The following LHFPL3 variants were observed in gnomAD, a reference collection of about 807,000 sequenced individuals.
LHFPL3 encodes the protein LHFPL tetraspan subfamily member 3, also known as LHFPL tetraspan subfamily member 3 protein.
Under a neutral mutation model 19.3 loss-of-function variants are expected in LHFPL3, and 5 were observed. The ratio of observed to expected loss-of-function variants is 0.26; its 90% CI spans 0.14 to 0.54. The LOEUF is 0.54. LHFPL3 is among the 20% of genes least tolerant of loss of function. The probability of loss-of-function intolerance (pLI) is 0.94; values close to 1 mark genes in which losing one functional copy is unlikely to be tolerated. For synonymous variants in LHFPL3, 133 were observed against 126.2 expected (o/e 1.05, Z -0.36); for missense variants, 249 against 307.4 (o/e 0.81, Z 1.42).
intron 1 of LHFPL3, among the ~76,000 whole-genome samples, chr7:104,708,203 C>T (rs1160940933): frequency 6.6e-6 from 1 of 152,186 alleles, no homozygotes; most frequent in Non-Finnish European, 1.5e-5. Flanking sequence ...TTCTAGGCAG[C>T]ATTCTAAGAT....
At chr7:104,710,520 A>T (rs1346589069) in intron 1 of LHFPL3, among the ~76,000 whole-genome samples, 1 of 152,172 alleles carries the variant, frequency 6.6e-6, no homozygotes, top group Admixed American at 6.5e-5. Context: ...AACTGTAAAA[A>T]ATTAAACTCT....
At chr7:104,357,028 A>G (rs1790292774) in intron 1 of LHFPL3, among the ~76,000 whole-genome samples, 1 of 54,102 alleles carries the variant, frequency 1.8e-5, no homozygotes, top group Admixed American at 1.4e-4. Context: ...GGGGTCCCCA[A>G]ATTACTCAAA....
At position 104,757,307 on chromosome 7, in the gene LHFPL3, A is replaced by G. The variant is rs1584518239; in HGVS notation, c.682+20396A>G. Among the ~76,000 whole-genome samples, 3 of 152,340 alleles carry G rather than the reference A, an allele frequency of 2.0e-5. No individual in the cohort carries two copies. The East Asian group carries it at 5.8e-4, about 29-fold the overall frequency. On this transcript the variant is annotated intron_variant, in intron 2 of 2. Coordinates refer to ENST00000424859, the MANE Select transcript of LHFPL3 (RefSeq NM_199000.3). ...GGACATCAGCCTTGGGACATAATTT[A>G]TAACTAAGTCCTCAAAAGCAATTGC... is the stretch of plus-strand genomic sequence containing the variant.
intron 1 of LHFPL3, among the ~76,000 whole-genome samples, chr7:104,564,329 C>T (rs1267373816): frequency 3.3e-5 from 5 of 152,296 alleles, no homozygotes; most frequent in African/African-American, 9.6e-5. Context: ...TAGTAATACA[C>T]TTTTAGAAAA....
chr7:104,667,631 T>C (rs1400554612), intron 1 of LHFPL3: 11 of 740,576 alleles, frequency 1.5e-5, no homozygotes, highest in Non-Finnish European at 4.4e-6. Context: ...GTGTACAACA[T>C]TGAACTTGAA....
At chr7:104,411,518 G>T (rs1052349255) in intron 1 of LHFPL3, among the ~76,000 whole-genome samples, 1 of 151,910 alleles carries the variant, frequency 6.6e-6, no homozygotes, top group African/African-American at 2.4e-5. Context: ...TTCCTTTAAG[G>T]GCCCTACCCT....
chr7:104,764,993 T>C (rs1384763122), intron 2 of LHFPL3, among the ~76,000 whole-genome samples: 2 of 152,082 alleles, frequency 1.3e-5, no homozygotes, highest in Non-Finnish European at 2.9e-5. Flanking sequence ...TATGTTGGAG[T>C]GAGGGTTGGG....
chr7:104,454,641 A>G (rs1792505612), intron 1 of LHFPL3, among the ~76,000 whole-genome samples: 1 of 152,198 alleles, frequency 6.6e-6, no homozygotes, highest in Non-Finnish European at 1.5e-5. Context: ...AAATGGGGAT[A>G]GTAACTGTTC....
At chr7:104,580,871 A>AT (rs1224706278) in intron 1 of LHFPL3, among the ~76,000 whole-genome samples, 1 of 151,948 alleles carries the variant, frequency 6.6e-6, no homozygotes, top group Admixed American at 6.6e-5. Flanking sequence ...TATCACAATT[A>AT]TTTTTTATCT....
intron 1 of LHFPL3, among the ~76,000 whole-genome samples, chr7:104,477,807 G>T (rs1793053434): frequency 6.6e-6 from 1 of 151,938 alleles, no homozygotes; most frequent in Non-Finnish European, 1.5e-5. Context: ...ATTAACCAAA[G>T]AACCTAATAC....
At chr7:104,729,577 A>G (rs1266666711) in intron 1 of LHFPL3, among the ~76,000 whole-genome samples, 1 of 152,066 alleles carries the variant, frequency 6.6e-6, no homozygotes, top group African/African-American at 2.4e-5. Context: ...CACTTCTATG[A>G]GATCAACTCC....
chr7:104,358,763 T>A (rs549020442), intron 1 of LHFPL3, among the ~76,000 whole-genome samples: 1 of 152,220 alleles, frequency 6.6e-6, no homozygotes, highest in Non-Finnish European at 1.5e-5. Flanking sequence ...GTTATTGTAC[T>A]GGGGTTCCTG....
chr7:104,582,576 G>A (rs184428923), intron 1 of LHFPL3, among the ~76,000 whole-genome samples: 94 of 151,942 alleles, frequency 6.2e-4, no homozygotes, highest in African/African-American at 2.2e-3. Context: ...TTTCACCATT[G>A]GATATAATGT....
intron 2 of LHFPL3, among the ~76,000 whole-genome samples, chr7:104,767,560 T>C (rs1794476780): frequency 6.6e-6 from 1 of 152,232 alleles, no homozygotes; most frequent in African/African-American, 2.4e-5. Flanking sequence ...TTTCTTCTTT[T>C]ATAAAAGTAT....
chr7:104,594,069 C>G (rs954232261), intron 1 of LHFPL3, among the ~76,000 whole-genome samples: 1 of 152,100 alleles, frequency 6.6e-6, no homozygotes, highest in African/African-American at 2.4e-5. Flanking sequence ...TGAATTTGAT[C>G]CTGTCATTAT....
intron 1 of LHFPL3, among the ~76,000 whole-genome samples, chr7:104,618,856 A>G (rs1791393844): frequency 6.6e-6 from 1 of 152,240 alleles, no homozygotes; most frequent in African/African-American, 2.4e-5. Context: ...ACCAGGATCC[A>G]TGTACCCTGC....
chr7:104,479,229 A>C (rs890760960), intron 1 of LHFPL3, among the ~76,000 whole-genome samples: 5 of 152,218 alleles, frequency 3.3e-5, no homozygotes, highest in African/African-American at 1.2e-4. Context: ...CAGTGCTAAC[A>C]TACAAACACT....
At chr7:104,410,234 G>A (rs901369334) in intron 1 of LHFPL3, among the ~76,000 whole-genome samples, 1 of 152,152 alleles carries the variant, frequency 6.6e-6, no homozygotes, top group African/African-American at 2.4e-5. Flanking sequence ...CCAGGTTCAA[G>A]CAATTCTCCT....
intron 1 of LHFPL3, among the ~76,000 whole-genome samples, chr7:104,578,736 C>G (rs1206475014): frequency 2.0e-5 from 3 of 152,062 alleles, no homozygotes; most frequent in African/African-American, 7.2e-5. Flanking sequence ...CCACTATACC[C>G]CTTAATCTCT....
Sources: gnomAD v4.1 joint callset for allele counts (sites outside exome capture counted in the v4.1 genomes callset) on GRCh38, gnomAD v4.1.1 for gene constraint, MANE v1.5 for transcripts, NCBI Gene and HGNC (gene_info 2026-07-23, HGNC 2026-07-21) for gene names.